TUBB8B: variants seen among roughly 807,000 people sequenced by gnomAD.
The protein encoded by TUBB8B is tubulin beta 8B, also known as HSA18p11 beta-tubulin 4Q pseudogene.
In TUBB8B, 26 loss-of-function variants were observed where a neutral mutation model predicts 31.9. The ratio of observed to expected loss-of-function variants is 0.81; its 90% CI spans 0.60 to 1.13. TUBB8B has a LOEUF of 1.13. Among genes scored for constraint, TUBB8B ranks in the 50% most tolerant of loss-of-function variants. The pLI, the probability that TUBB8B is intolerant of heterozygous loss-of-function variation, is 0.00. For missense variants in TUBB8B, 467 were observed against 586.7 expected, an observed-to-expected ratio of 0.80 and a Z score of 2.11; for synonymous variants, 173 against 231.0, an observed-to-expected ratio of 0.75 and a Z score of 2.28.
the TUBB8B span, among the ~76,000 whole-genome samples, chr18:66,968 A>G: frequency 6.6e-6 from 1 of 151,086 alleles, no homozygotes; most frequent in Non-Finnish European, 1.5e-5. Flanking sequence ...GAAATTTTCC[A>G]TGTACAAGTT....
At chr18:53,792 T>C (rs1431823989), upstream of TUBB8B, among the ~76,000 whole-genome samples, 2 of 151,948 alleles carry the variant, frequency 1.3e-5, no homozygotes, top group South Asian at 2.1e-4. Flanking sequence ...TAAATAATTC[T>C]GATTTCCTGC....
chr18:48,424 A>C lies in TUBB8B; in HGVS notation c.301T>G (p.Trp101Gly). The C allele has an allele frequency of 2.5e-6, 4 of 1,610,804 alleles. No homozygotes were observed. Among genetic ancestry groups the C allele is most frequent in the East Asian group, 2.2e-5 (1 of 44,868 alleles). ...CCTTCTGTGTAGCGTCCCTTGGCCC[A>C]GTTGTTTCCGGCCCCACACTGACCT... is the stretch of plus-strand genomic sequence containing the variant. Reference protein sequence around the residue: ...ISGQCGAGNNWAKGRYTEGAE... With the variant: ...ISGQCGAGNNGAKGRYTEGAE... The change falls in exon 4 of 4, where the codon TGG (tryptophan) becomes GGG (glycine). Residue 101 changes from tryptophan to glycine, a missense_variant. Physicochemically the swap from Trp to Gly is radical, Grantham distance 184. Coordinates refer to ENST00000308911, the MANE Select transcript of TUBB8B (RefSeq NM_001358689.2).
chr18:72,797 G>C, the TUBB8B span, among the ~76,000 whole-genome samples: 1 of 151,886 alleles, frequency 6.6e-6, no homozygotes, highest in Admixed American at 6.6e-5. Context: ...GAGAAACCCC[G>C]TCTCTACTAA....
chr18:59,121 C>T, the TUBB8B span, among the ~76,000 whole-genome samples: 2 of 151,948 alleles, frequency 1.3e-5, no homozygotes, highest in Non-Finnish European at 2.9e-5. Flanking sequence ...CCTGGCCCAC[C>T]TCCAACATTG....
the TUBB8B span, among the ~76,000 whole-genome samples, chr18:72,105 G>A: frequency 0.088 from 12,993 of 147,788 alleles, 757 homozygotes; most frequent in East Asian, 0.44. Context: ...TTCAACCTGG[G>A]AGGTGGAGGT....
the TUBB8B span, among the ~76,000 whole-genome samples, chr18:72,196 A>AAAAAC: frequency 2.1e-3 from 178 of 84,508 alleles, 9 homozygotes; most frequent in East Asian, 0.012. Context: ...AAAAAAAAAA[A>AAAAAC]AAAGGAAAAA....
At chr18:66,783 T>A in the TUBB8B span, among the ~76,000 whole-genome samples, 28 of 152,178 alleles carry the variant, frequency 1.8e-4, no homozygotes, top group African/African-American at 6.5e-4. Flanking sequence ...AATGACAGGA[T>A]CAGCCTGTTG....
the TUBB8B span, among the ~76,000 whole-genome samples, chr18:66,106 G>T: frequency 6.6e-6 from 1 of 152,146 alleles, no homozygotes; most frequent in Non-Finnish European, 1.5e-5. Flanking sequence ...GTGCATATCT[G>T]TAGTCCTAGT....
chr18:53,692 C>T (rs1906195412), upstream of TUBB8B, among the ~76,000 whole-genome samples: 1 of 151,832 alleles, frequency 6.6e-6, no homozygotes, highest in Admixed American at 6.6e-5. Flanking sequence ...TGGTCTCAAA[C>T]CCCTGACAAC....
chr18:48,562 G>T, intron 3 of TUBB8B, 115 bp from the exon 4 acceptor site: 1 of 811,538 alleles, frequency 1.2e-6, no homozygotes, highest in Non-Finnish European at 2.1e-6. Flanking sequence ...CATTCGCCCT[G>T]CAGGTGGAGC....
chr18:52,378 G>C (rs535065426), upstream of TUBB8B, among the ~76,000 whole-genome samples: 1,182 of 151,552 alleles, frequency 7.8e-3, 8 homozygotes, highest in African/African-American at 0.028. Context: ...AAGAGAAAGT[G>C]GCAAACATCT....
chr18:71,931 C>A, the TUBB8B span, among the ~76,000 whole-genome samples: 5 of 151,804 alleles, frequency 3.3e-5, no homozygotes, highest in Non-Finnish European at 5.9e-5. Context: ...GTAATCCCAA[C>A]ACTTTGGGAG....
upstream of TUBB8B, among the ~76,000 whole-genome samples, chr18:50,709 C>T (rs1600579515): frequency 1.3e-5 from 2 of 151,814 alleles, no homozygotes; most frequent in African/African-American, 4.8e-5. Context: ...AATCCCTGGC[C>T]CATTTTTGTT....
chr18:68,475 T>C, the TUBB8B span, among the ~76,000 whole-genome samples: 1 of 152,192 alleles, frequency 6.6e-6, no homozygotes, highest in South Asian at 2.1e-4. Flanking sequence ...GTTCCTGAGC[T>C]GTCCCTCAGT....
chr18:63,731 A>AC, the TUBB8B span, among the ~76,000 whole-genome samples: 7 of 126,094 alleles, frequency 5.6e-5, no homozygotes, highest in Non-Finnish European at 8.3e-5. Flanking sequence ...CTAACCCCTA[A>AC]CCCTAACTCT....
chr18:66,257 T>C, the TUBB8B span, among the ~76,000 whole-genome samples: 2,137 of 152,156 alleles, frequency 0.014, 26 homozygotes, highest in African/African-American at 0.049. Flanking sequence ...AATTACATTT[T>C]AAAAAATCAA....
the TUBB8B span, among the ~76,000 whole-genome samples, chr18:63,555 T>G: frequency 1.3e-5 from 2 of 151,500 alleles, no homozygotes; most frequent in Admixed American, 6.6e-5. Flanking sequence ...GGCATAGAAC[T>G]TGGTCTCACC....
chr18:65,658 A>AT, the TUBB8B span, among the ~76,000 whole-genome samples: 1 of 152,166 alleles, frequency 6.6e-6, no homozygotes, highest in Non-Finnish European at 1.5e-5. Flanking sequence ...ACCAATGCTC[A>AT]TTTTCATCAT....
the TUBB8B span, among the ~76,000 whole-genome samples, chr18:66,368 A>T: frequency 6.6e-6 from 1 of 152,194 alleles, no homozygotes; most frequent in African/African-American, 2.4e-5. Context: ...CTTGGGCAGG[A>T]CAGCAAGACC....
Sources: gnomAD v4.1 joint callset for allele counts (sites outside exome capture counted in the v4.1 genomes callset) on GRCh38, gnomAD v4.1.1 for gene constraint, MANE v1.5 for transcripts, NCBI Gene and HGNC (gene_info 2026-07-23, HGNC 2026-07-21) for gene names.